The following GLRA2 variants were observed in gnomAD, a reference collection of about 807,000 sequenced individuals.
The protein encoded by GLRA2 is glycine receptor alpha 2, also known as glycine receptor subunit alpha-2.
Under a neutral mutation model 31.6 loss-of-function variants are expected in GLRA2, and 11 were observed. That is an observed-to-expected ratio of 0.35 (90% CI 0.22 to 0.58). GLRA2 has a LOEUF of 0.58. Among genes scored for constraint, GLRA2 ranks in the 20% least tolerant of loss-of-function variants. The probability of loss-of-function intolerance (pLI) is 0.84; values close to 1 mark genes in which losing one functional copy is unlikely to be tolerated. For synonymous variants in GLRA2, 132 were observed against 134.0 expected (o/e 0.99, Z 0.10); for missense variants, 212 against 351.8 (o/e 0.60, Z 3.18).
intron 2 of GLRA2, among the ~76,000 whole-genome samples, chrX:14,546,616 C>A (rs1486766923): frequency 1.8e-5 from 2 of 108,304 alleles, no homozygotes; most frequent in Non-Finnish European, 3.8e-5. Context: ...TTTTTTTCTG[C>A]CTACAGTTGA....
chrX:14,536,161 G>T (rs2089320867), intron 2 of GLRA2, among the ~76,000 whole-genome samples: 1 of 111,999 alleles, frequency 8.9e-6, no homozygotes, highest in Non-Finnish European at 1.9e-5. Context: ...ACATTTGCCT[G>T]AAATATGTTT....
At chrX:14,465,870 T>C in the GLRA2 span, among the ~76,000 whole-genome samples, 1 of 112,200 alleles carries the variant, frequency 8.9e-6, no homozygotes, top group Admixed American at 9.4e-5. Context: ...AAATACGCTG[T>C]ATGGGAGAGG....
chrX:14,727,171 A>T (rs973559243), intron 8 of GLRA2, among the ~76,000 whole-genome samples: 9 of 111,530 alleles, frequency 8.1e-5, no homozygotes, highest in African/African-American at 2.9e-4. Flanking sequence ...TTTAAAAAAA[A>T]TAGACCCTAA....
intron 2 of GLRA2, among the ~76,000 whole-genome samples, chrX:14,574,093 T>C (rs928730540): frequency 8.9e-6 from 1 of 112,298 alleles, no homozygotes; most frequent in Admixed American, 9.4e-5. Flanking sequence ...TCCAGTTCAA[T>C]AGTTTTCAGC....
chrX:14,472,067 C>T, the GLRA2 span, among the ~76,000 whole-genome samples: 4 of 112,193 alleles, frequency 3.6e-5, no homozygotes, highest in African/African-American at 1.3e-4. Flanking sequence ...ATCTACCCCA[C>T]TTAAGTGTGG....
At position 14,567,306 on chromosome X, in the gene GLRA2, TTAAAG is replaced by T. The variant is rs754565618; in HGVS notation, c.203-7023_203-7019del. On this transcript the variant is annotated intron_variant, in intron 2 of 8. Transcript: ENST00000218075. ...AGATGGTTCAATATAAGGAAACAAA[TTAAAG>T]TAATATACCACATTAATAGAATGAA... Among the ~76,000 whole-genome samples, 3 of 111,849 alleles carry T rather than the reference TTAAAG, an allele frequency of 2.7e-5. No individual in the cohort carries two copies. The Admixed American group carries it at 2.8e-4, about 11-fold the overall frequency.
chrX:14,667,417 G>T (rs2091047334), intron 7 of GLRA2, among the ~76,000 whole-genome samples: 2 of 111,873 alleles, frequency 1.8e-5, no homozygotes, highest in South Asian at 3.7e-4. Context: ...GCACTAGAGA[G>T]CCATAGAGAA....
chrX:14,582,411 G>A (rs1476952819), intron 4 of GLRA2, among the ~76,000 whole-genome samples: 1 of 109,777 alleles, frequency 9.1e-6, no homozygotes, highest in East Asian at 2.8e-4. Context: ...ATTTTTTATG[G>A]CTGCATAGTA....
At chrX:14,525,651 G>A (rs183239942), upstream of GLRA2, among the ~76,000 whole-genome samples, 68 of 111,318 alleles carry the variant, frequency 6.1e-4, no homozygotes, top group African/African-American at 1.8e-3. Flanking sequence ...TAACCAATGA[G>A]TGTTAGAGGT....
chrX:14,493,575 A>G, the GLRA2 span, among the ~76,000 whole-genome samples: 4 of 105,483 alleles, frequency 3.8e-5, no homozygotes. Flanking sequence ...ATATACATAT[A>G]TACATATATA....
chrX:14,454,002 C>T, the GLRA2 span, among the ~76,000 whole-genome samples: 1 of 111,401 alleles, frequency 9.0e-6, no homozygotes, highest in Non-Finnish European at 1.9e-5. Flanking sequence ...TAGTAAAGAA[C>T]AGATTAGTGG....
chrX:14,472,654 A>C, the GLRA2 span, among the ~76,000 whole-genome samples: 3 of 111,343 alleles, frequency 2.7e-5, no homozygotes, highest in Admixed American at 2.9e-4. Flanking sequence ...TTCCTGTGTT[A>C]GTTTGCTGAG....
chrX:14,716,553 G>A (rs2091789255), intron 8 of GLRA2, among the ~76,000 whole-genome samples: 1 of 111,523 alleles, frequency 9.0e-6, no homozygotes, highest in Non-Finnish European at 1.9e-5. Context: ...CCTTCCCCCA[G>A]GGAGCACGAC....
chrX:14,612,517 A>G (rs180972742), intron 7 of GLRA2, among the ~76,000 whole-genome samples: 2 of 111,561 alleles, frequency 1.8e-5, no homozygotes, highest in East Asian at 2.8e-4. Flanking sequence ...ATAAAGACAC[A>G]TGCACAGGTA....
the GLRA2 span, among the ~76,000 whole-genome samples, chrX:14,520,954 TATCTA>T: frequency 8.9e-6 from 1 of 112,691 alleles, no homozygotes; most frequent in African/African-American, 3.2e-5. Flanking sequence ...TCTAACAACT[TATCTA>T]ATCCAACAGA....
chrX:14,708,638 A>T (rs145547601), intron 8 of GLRA2, among the ~76,000 whole-genome samples: 9 of 111,611 alleles, frequency 8.1e-5, no homozygotes, highest in Non-Finnish European at 5.7e-5. Flanking sequence ...CACAGCTGGG[A>T]GAAAAGAGAG....
At chrX:14,449,760 G>A in the GLRA2 span, among the ~76,000 whole-genome samples, 2 of 112,422 alleles carry the variant, frequency 1.8e-5, no homozygotes, top group African/African-American at 3.2e-5. Context: ...CAATGGGCCA[G>A]CAGACAAAAC....
At chrX:14,563,545 A>G (rs1336528022) in intron 2 of GLRA2, among the ~76,000 whole-genome samples, 1 of 112,237 alleles carries the variant, frequency 8.9e-6, no homozygotes, top group African/African-American at 3.2e-5. Flanking sequence ...GTTTTCAACA[A>G]AAATCACAAT....
chrX:14,479,643 A>G, the GLRA2 span, among the ~76,000 whole-genome samples: 2 of 111,552 alleles, frequency 1.8e-5, no homozygotes, highest in African/African-American at 6.5e-5. Context: ...TTGGTTTTCT[A>G]TTCCTGTGTT....
Sources: gnomAD v4.1 joint callset for allele counts (sites outside exome capture counted in the v4.1 genomes callset) on GRCh38, gnomAD v4.1.1 for gene constraint, MANE v1.5 for transcripts, NCBI Gene and HGNC (gene_info 2026-07-23, HGNC 2026-07-21) for gene names.